The following DNM3 variants were observed in gnomAD, a reference collection of about 807,000 sequenced individuals.
The protein encoded by DNM3 is dynamin 3, also known as dynamin-3.
A neutral mutation model predicts 101.6 loss-of-function variants in DNM3; 47 were observed. The ratio of observed to expected loss-of-function variants is 0.46; its 90% CI spans 0.37 to 0.59. The LOEUF is 0.59. Among genes scored for constraint, DNM3 ranks in the 20% least tolerant of loss-of-function variants. The probability of loss-of-function intolerance (pLI) is 0.00; values close to 1 mark genes in which losing one functional copy is unlikely to be tolerated. For missense variants in DNM3, 849 were observed against 1,085.7 expected (o/e 0.78, Z 3.06); for synonymous variants, 385 against 387.9 (o/e 0.99, Z 0.09).
intron 12 of DNM3, among the ~76,000 whole-genome samples, chr1:172,085,940 C>CT (rs1460614495): frequency 1.3e-5 from 2 of 151,932 alleles, no homozygotes; most frequent in African/African-American, 4.8e-5. Flanking sequence ...TAAAAAGATC[C>CT]TTTTTTTGAC....
chr1:171,858,680 T>C (rs1334601650), intron 1 of DNM3, among the ~76,000 whole-genome samples: 1 of 152,114 alleles, frequency 6.6e-6, no homozygotes, highest in Non-Finnish European at 1.5e-5. Context: ...CTCCTCATGC[T>C]CCTGATAAGC....
chr1:172,002,251 TA>T (rs1294555134), intron 4 of DNM3, among the ~76,000 whole-genome samples: 2 of 152,056 alleles, frequency 1.3e-5, no homozygotes, highest in African/African-American at 4.8e-5. Flanking sequence ...AAAATCAGAT[TA>T]AAAAATGACT....
At chr1:172,113,285 T>A (rs1468703734) in intron 13 of DNM3, among the ~76,000 whole-genome samples, 2 of 152,216 alleles carry the variant, frequency 1.3e-5, no homozygotes, top group African/African-American at 2.4e-5. Context: ...CCCTGTTCTA[T>A]GGATTCCCTC....
Position 171,841,633 on chromosome 1 carries a change from C to A in DNM3, c.-24C>A. Reference sequence around the variant, plus strand: ...GGTCGTAGAGGCGAGCAGGGACCAGCTGGTCGCCGGCCCCTCGGGCAAGAT... The same window carrying A: ...GGTCGTAGAGGCGAGCAGGGACCAGATGGTCGCCGGCCCCTCGGGCAAGAT... On this transcript the variant is annotated 5_prime_UTR_variant, in exon 1 of 21. In the 5' UTR this introduces an upstream ATG that the reference lacks. Coordinates refer to ENST00000627582, the MANE Select transcript of DNM3 (RefSeq NM_015569.5). 1 of 1,599,924 alleles carries A rather than the reference C, an allele frequency of 6.3e-7. No homozygotes were observed. Among genetic ancestry groups the A allele is most frequent in the Non-Finnish European group, 8.5e-7 (1 of 1,174,452 alleles).
chr1:171,874,351 A>C (rs892880984), intron 1 of DNM3, among the ~76,000 whole-genome samples: 6 of 152,152 alleles, frequency 3.9e-5, no homozygotes, highest in Non-Finnish European at 8.8e-5. Context: ...AATTGGGGAA[A>C]CCAGCAGTTT....
intron 15 of DNM3, among the ~76,000 whole-genome samples, chr1:172,283,591 C>T (rs910472618): frequency 4.6e-5 from 7 of 151,612 alleles, no homozygotes; most frequent in African/African-American, 1.7e-4. Flanking sequence ...GAAACGCCGT[C>T]TCTACTAAAA....
At chr1:171,996,015 T>C (rs545585438) in intron 4 of DNM3, among the ~76,000 whole-genome samples, 25 of 152,306 alleles carry the variant, frequency 1.6e-4, no homozygotes, top group Non-Finnish European at 3.1e-4. Context: ...AAGTTAATTA[T>C]AAATTATTTG....
chr1:172,279,988 T>C (rs1391667343), intron 15 of DNM3, among the ~76,000 whole-genome samples: 2 of 152,192 alleles, frequency 1.3e-5, no homozygotes, highest in Admixed American at 1.3e-4. Context: ...TATCATGGCC[T>C]ATGAGCCCCT....
chr1:172,387,395 C>G, intron 19 of DNM3, 36 bp downstream of exon 19: 1 of 1,550,884 alleles, frequency 6.4e-7, no homozygotes, highest in Non-Finnish European at 8.8e-7. Flanking sequence ...CGGTGGCTCG[C>G]TCCTGTAATC....
chr1:172,206,275 A>G (rs993393580), intron 14 of DNM3, among the ~76,000 whole-genome samples: 3 of 152,156 alleles, frequency 2.0e-5, no homozygotes, highest in African/African-American at 7.2e-5. Context: ...CTTGTGATAC[A>G]TTTGAATTAC....
intron 15 of DNM3, among the ~76,000 whole-genome samples, chr1:172,296,244 C>G (rs922614497): frequency 6.6e-6 from 1 of 152,184 alleles, no homozygotes; most frequent in South Asian, 2.1e-4. Context: ...GGAGCAGAGC[C>G]ACAGGGCAAC....
chr1:172,261,877 C>G (rs1404013563), intron 15 of DNM3, among the ~76,000 whole-genome samples: 1 of 152,200 alleles, frequency 6.6e-6, no homozygotes, highest in East Asian at 1.9e-4. Flanking sequence ...GATCTTCAGG[C>G]CCCTGGAAAG....
chr1:171,999,229 A>T (rs1460991253), intron 4 of DNM3, among the ~76,000 whole-genome samples: 4 of 152,072 alleles, frequency 2.6e-5, no homozygotes, highest in Non-Finnish European at 2.9e-5. Context: ...GAGGAATGGT[A>T]CTGAGGGAAG....
chr1:171,976,415 T>A (rs2044372691), intron 2 of DNM3, among the ~76,000 whole-genome samples: 1 of 152,220 alleles, frequency 6.6e-6, no homozygotes, highest in African/African-American at 2.4e-5. Context: ...AGTCACATCT[T>A]ATATGGCGGC....
At chr1:172,042,204 C>A in intron 8 of DNM3, 60 bp downstream of exon 8, 1 of 1,464,804 alleles carries the variant, frequency 6.8e-7, no homozygotes, top group Admixed American at 2.6e-5. Flanking sequence ...CTGTTTTATA[C>A]AACTTAATAC....
At chr1:172,231,455 A>T (rs2061333923) in intron 14 of DNM3, among the ~76,000 whole-genome samples, 1 of 152,180 alleles carries the variant, frequency 6.6e-6, no homozygotes, top group Non-Finnish European at 1.5e-5. Context: ...CATCACCATC[A>T]TCAAAGACCA....
chr1:172,020,955 G>T (rs920557730), intron 4 of DNM3, among the ~76,000 whole-genome samples: 4 of 152,174 alleles, frequency 2.6e-5, no homozygotes, highest in Non-Finnish European at 4.4e-5. Flanking sequence ...TTTCCATGGA[G>T]GTTTCTGCTC....
chr1:172,164,257 C>A (rs2058669100), intron 14 of DNM3, among the ~76,000 whole-genome samples: 2 of 116,470 alleles, frequency 1.7e-5, no homozygotes, highest in Non-Finnish European at 1.7e-5. Context: ...TGAGGCCTTA[C>A]TATGAACCAA....
intron 1 of DNM3, among the ~76,000 whole-genome samples, chr1:171,884,939 A>G (rs2036631020): frequency 6.6e-6 from 1 of 152,212 alleles, no homozygotes; most frequent in South Asian, 2.1e-4. Context: ...CATTACTGCA[A>G]TCAGTCCACT....
Sources: gnomAD v4.1 joint callset for allele counts (sites outside exome capture counted in the v4.1 genomes callset) on GRCh38, gnomAD v4.1.1 for gene constraint, MANE v1.5 for transcripts, NCBI Gene and HGNC (gene_info 2026-07-23, HGNC 2026-07-21) for gene names.